The following TATDN2 variants were observed in gnomAD, a reference collection of about 807,000 sequenced individuals.
TATDN2 encodes the protein 3'-5' RNA nuclease TATDN2.
TATDN2 carries 44 observed loss-of-function variants against 60.3 expected under a neutral mutation model. The ratio of observed to expected loss-of-function variants is 0.73; its 90% CI spans 0.57 to 0.94. The LOEUF is 0.94. Ranked by LOEUF, TATDN2 falls within the 40% of genes least tolerant of loss-of-function variation. The probability of loss-of-function intolerance (pLI) is 0.00; values close to 1 mark genes in which losing one functional copy is unlikely to be tolerated. For synonymous variants in TATDN2, 399 were observed against 355.8 expected (o/e 1.12, Z -1.37); for missense variants, 997 against 948.0 (o/e 1.05, Z -0.68).
intron 2 of TATDN2, among the ~76,000 whole-genome samples, chr3:10,250,209 A>G (rs1340744865): frequency 4.3e-5 from 6 of 140,482 alleles, no homozygotes; most frequent in Non-Finnish European, 7.7e-5. Flanking sequence ...TTAAATTGTT[A>G]ATTCCCTAAT....
rs1378294989 is a variant in TATDN2, at chr3:10,249,315, G to T, written c.115G>T (p.Ala39Ser). Residue 39 changes from alanine (A) to serine (S), a missense_variant, in exon 2 of 8, where the codon GCT becomes TCT. Ala to Ser is a moderately conservative substitution (Grantham distance 99). Transcript: ENST00000448281. ...PCDVAPSSRP[A>S]QRSASRSGGP... is the part of the protein sequence containing the mutation. The stretch of plus-strand genomic sequence containing the variant: ...TGATGTGGCCCCCTCCAGCCGGCCA[G>T]CTCAGAGGTCTGCGTCGCGTTCTGG... 1.9e-6 allele frequency: 3 copies of T among 1,611,022 alleles called. No homozygotes were observed. Among genetic ancestry groups the T allele is most frequent in the Non-Finnish European group, 2.5e-6 (3 of 1,178,024 alleles).
intron 4 of TATDN2, among the ~76,000 whole-genome samples, chr3:10,272,915 T>G (rs1235622558): frequency 6.6e-6 from 1 of 150,716 alleles, no homozygotes; most frequent in South Asian, 2.1e-4. Context: ...GGTACATGCC[T>G]GGGGTCCCAG....
At chr3:10,255,012 A>T (rs868156410) in intron 2 of TATDN2, among the ~76,000 whole-genome samples, 41 of 39,116 alleles carry the variant, frequency 1.0e-3, no homozygotes, top group African/African-American at 1.9e-3. Flanking sequence ...CCCACTTCCC[A>T]CTCCCCCTCC....
intron 3 of TATDN2, among the ~76,000 whole-genome samples, chr3:10,266,812 C>G (rs940215051): frequency 1.3e-5 from 2 of 152,112 alleles, no homozygotes; most frequent in African/African-American, 4.8e-5. Flanking sequence ...TTCTTGTGGG[C>G]TGCAGCATGT....
chr3:10,268,054 A>G (rs553211529), intron 3 of TATDN2, among the ~76,000 whole-genome samples: 1 of 152,208 alleles, frequency 6.6e-6, no homozygotes, highest in East Asian at 1.9e-4. Flanking sequence ...GGAAATTGCA[A>G]ACATTCAAAG....
chr3:10,256,409 C>CA (rs149830943), intron 2 of TATDN2, among the ~76,000 whole-genome samples: 272 of 152,046 alleles, frequency 1.8e-3, no homozygotes, highest in African/African-American at 6.0e-3. Context: ...CTCCTAGGCT[C>CA]AAATGATCCT....
intron 2 of TATDN2, among the ~76,000 whole-genome samples, chr3:10,252,793 G>T (rs1440591907): frequency 6.7e-6 from 1 of 150,090 alleles, no homozygotes; most frequent in African/African-American, 2.5e-5. Context: ...GGGCTCAAGC[G>T]ATCCTCCTGC....
chr3:10,260,945 A>G (rs73123865), intron 3 of TATDN2, among the ~76,000 whole-genome samples: 7,433 of 151,908 alleles, frequency 0.049, 614 homozygotes, highest in African/African-American at 0.17. Flanking sequence ...ACAGTGGCTT[A>G]AACAGAATAT....
chr3:10,254,654 G>A (rs1698278599), intron 2 of TATDN2, among the ~76,000 whole-genome samples: 4 of 152,288 alleles, frequency 2.6e-5, no homozygotes, highest in Admixed American at 1.3e-4. Context: ...CTGGCACGCT[G>A]CAGAGAAAGG....
chr3:10,256,021 C>T (rs1167666575), intron 2 of TATDN2, among the ~76,000 whole-genome samples: 1 of 152,096 alleles, frequency 6.6e-6, no homozygotes. Context: ...CATTTTATGT[C>T]CTCTTTTCTT....
intron 3 of TATDN2, among the ~76,000 whole-genome samples, chr3:10,265,626 G>C (rs1039441153): frequency 7.0e-6 from 1 of 143,326 alleles, no homozygotes; most frequent in African/African-American, 2.6e-5. Context: ...AGCTTGCAGT[G>C]AGCTGAGATT....
At chr3:10,259,033 G>A (rs1387657356) in intron 2 of TATDN2, among the ~76,000 whole-genome samples, 1 of 152,132 alleles carries the variant, frequency 6.6e-6, no homozygotes, top group African/African-American at 2.4e-5. Context: ...CCATGGCCCA[G>A]CTAATTTTTG....
intron 3 of TATDN2, among the ~76,000 whole-genome samples, chr3:10,263,654 T>C (rs574585065): frequency 7.3e-4 from 111 of 152,338 alleles, no homozygotes; most frequent in African/African-American, 2.6e-3. Context: ...TCTTCTGTTA[T>C]CTCTTTTAGG....
chr3:10,261,315 T>G (rs978295970), intron 3 of TATDN2, among the ~76,000 whole-genome samples: 1 of 152,034 alleles, frequency 6.6e-6, no homozygotes, highest in African/African-American at 2.4e-5. Context: ...CGGAAACTAG[T>G]GATTTTTAAC....
At position 10,270,449 on chromosome 3, in the gene TATDN2, T is replaced by C. The variant is rs1698543779; in HGVS notation, c.1267T>C (p.Ser423Pro). 5.6e-6 allele frequency: 9 copies of C among 1,614,074 alleles called. No homozygotes were observed. The highest frequency in any genetic ancestry group is 1.3e-5 in the African/African-American group (1 of 74,986). Residue 423 changes from serine to proline, a missense_variant, in exon 4 of 8, where the codon TCT becomes CCT. Coordinates refer to ENST00000448281, the MANE Select transcript of TATDN2 (RefSeq NM_014760.4). ...CCGCATGAGTGATTATTCCCCCAAC[T>C]CTACAGGGAGTGTCCAAAACACCTC... is the stretch of plus-strand genomic sequence containing the variant. ...RSRMSDYSPN[S>P]TGSVQNTSRD...
rs1373924391 is a variant in TATDN2, at chr3:10,258,205, A to C, written c.415-1932A>C. 2.0e-5 allele frequency among the ~76,000 whole-genome samples: 3 copies of C among 152,070 alleles called. No homozygotes were observed. The East Asian group carries it at 5.8e-4, about 29-fold the overall frequency. On this transcript the variant is annotated intron_variant, in intron 2 of 7. Coordinates refer to ENST00000448281, the MANE Select transcript of TATDN2 (RefSeq NM_014760.4). ...CCCTTGATTCAGGATAATGATTAAA[A>C]AAAAATATGATGTGCTCTTCGGAAA...
chr3:10,261,154 T>C (rs1698396228), intron 3 of TATDN2, among the ~76,000 whole-genome samples: 1 of 152,196 alleles, frequency 6.6e-6, no homozygotes, highest in Admixed American at 6.5e-5. Flanking sequence ...TGTTAAGAGC[T>C]TGGCTCAAGA....
chr3:10,278,782 A>G lies in TATDN2; in HGVS notation c.2146-103A>G. On this transcript the variant is annotated intron_variant, in intron 6 of 7. Transcript: ENST00000448281. This position sits in a 1 kb window ranked among gnomAD's most constrained non-coding sequence, Gnocchi z 4.7. ...GCAGGTAAAGGGGTCTCTACAGGGC[A>G]GCCCCAAAGAGGTCCTTGCTGGGGA... 3.2e-6 allele frequency: 5 copies of G among 1,551,406 alleles called. No individual in the cohort carries two copies. The highest frequency in any genetic ancestry group is 4.4e-6 in the Non-Finnish European group (5 of 1,136,304).
Position 10,278,262 on chromosome 3 carries a change from T to TG in TATDN2, c.1962-15dup. The stretch of plus-strand genomic sequence containing the variant: ...GAGGGGACTGTGAGCAGCCCTGATG[T>TG]GGAGTTCTGTCTCCAGGCATTGCTT... On this transcript the variant is annotated splice_polypyrimidine_tract_variant and intron_variant, in intron 5 of 7. Transcript: ENST00000448281. The surrounding 1 kb of genome is among the most constrained non-coding windows in gnomAD (Gnocchi z 4.7). The TG allele has an allele frequency of 6.2e-7, 1 of 1,610,676 alleles. No individual in the cohort carries two copies. Among genetic ancestry groups the TG allele is most frequent in the Non-Finnish European group, 8.5e-7 (1 of 1,177,852 alleles).
Sources: gnomAD v4.1 joint callset for allele counts (sites outside exome capture counted in the v4.1 genomes callset) on GRCh38, gnomAD v4.1.1 for gene constraint, Gnocchi (gnomAD v3.1) non-coding constraint, MANE v1.5 for transcripts, NCBI Gene and HGNC (gene_info 2026-07-23, HGNC 2026-07-21) for gene names.